Variants in PRCP observed in about 807,000 individuals in gnomAD.
PRCP encodes lysosomal Pro-X carboxypeptidase.
A neutral mutation model predicts 54.2 loss-of-function variants in PRCP; 46 were observed. The observed-to-expected ratio is 0.85, with a 90% CI of 0.67 to 1.09. PRCP has a LOEUF of 1.09. Ranked by LOEUF, PRCP falls within the 50% of genes least tolerant of loss-of-function variation. The probability of loss-of-function intolerance (pLI) is 0.00; values close to 1 mark genes in which losing one functional copy is unlikely to be tolerated. For synonymous variants in PRCP, 240 were observed against 212.2 expected, an observed-to-expected ratio of 1.13 and a Z score of -1.14; for missense variants, 613 against 596.8, an observed-to-expected ratio of 1.03 and a Z score of -0.28.
At chr11:82,864,640 C>A (rs998351038) in intron 1 of PRCP, among the ~76,000 whole-genome samples, 11 of 152,202 alleles carry the variant, frequency 7.2e-5, no homozygotes, top group African/African-American at 2.4e-4. Flanking sequence ...GTAAAGACAA[C>A]ACCGTATGAC....
chr11:82,850,564 T>C, intron 3 of PRCP, 59 bp from the exon 4 acceptor site: 1 of 1,292,906 alleles, frequency 7.7e-7, no homozygotes, highest in Non-Finnish European at 1.0e-6. Flanking sequence ...AGCTTAGGAA[T>C]AGCATGGATC....
chr11:82,854,358 T>A (rs1319867063), intron 2 of PRCP, among the ~76,000 whole-genome samples: 1 of 152,046 alleles, frequency 6.6e-6, no homozygotes, highest in South Asian at 2.1e-4. Context: ...TATATACCAA[T>A]AACAATCAAG....
chr11:82,841,069 C>CA (rs994286120), intron 6 of PRCP, among the ~76,000 whole-genome samples: 11 of 73,546 alleles, frequency 1.5e-4, no homozygotes, highest in Middle Eastern at 6.6e-3. Context: ...CTAGTCCTGA[C>CA]AAAAAAAAGA....
intron 1 of PRCP, among the ~76,000 whole-genome samples, chr11:82,879,461 C>T (rs940292550): frequency 1.1e-4 from 16 of 152,160 alleles, no homozygotes; most frequent in Admixed American, 6.5e-4. Flanking sequence ...AGCTTCTTTG[C>T]GATGGGTTCA....
upstream of PRCP, chr11:82,900,564 A>G: frequency 3.2e-6 from 3 of 935,044 alleles, no homozygotes. Flanking sequence ...CGCCCAAGCC[A>G]GGTCACCACA....
At chr11:82,881,893 C>T (rs1482141455) in intron 1 of PRCP, among the ~76,000 whole-genome samples, 1 of 151,946 alleles carries the variant, frequency 6.6e-6, no homozygotes, top group African/African-American at 2.4e-5. Context: ...CCTTTGACTC[C>T]CAAAAACTTA....
intron 6 of PRCP, among the ~76,000 whole-genome samples, chr11:82,841,967 C>T (rs1345202245): frequency 6.6e-6 from 1 of 152,146 alleles, no homozygotes; most frequent in Non-Finnish European, 1.5e-5. Context: ...CACATAACTA[C>T]AAAGTAGACA....
intron 3 of PRCP, among the ~76,000 whole-genome samples, chr11:82,852,377 T>G (rs545096392): frequency 5.3e-5 from 8 of 152,208 alleles, no homozygotes; most frequent in Admixed American, 3.3e-4. Flanking sequence ...CAAGTCCTTC[T>G]AGCTGAGAGT....
At chr11:82,880,852 A>C (rs1375998777) in intron 1 of PRCP, among the ~76,000 whole-genome samples, 5 of 143,304 alleles carry the variant, frequency 3.5e-5, no homozygotes, top group Non-Finnish European at 6.2e-5. Flanking sequence ...AAAAAAAAAA[A>C]CCCTCTGCAA....
At position 82,839,443 on chromosome 11, in the gene PRCP, T is replaced by C. The variant is rs1858608048; in HGVS notation, c.922-18A>G. On this transcript the variant is annotated intron_variant, in intron 6 of 8. Coordinates refer to ENST00000313010, the MANE Select transcript of PRCP (RefSeq NM_005040.4). ...CACACTACCTGTCATTTTAGAAAGA[T>C]AAATGGGGAAAGAGTCAGAATATGA... The C allele has an allele frequency of 1.3e-6, 2 of 1,596,622 alleles. No individual in the cohort carries two copies. Among genetic ancestry groups the C allele is most frequent in the Non-Finnish European group, 1.7e-6 (2 of 1,167,236 alleles).
At chr11:82,874,350 AC>A (rs1308924014) in intron 1 of PRCP, among the ~76,000 whole-genome samples, 1 of 152,224 alleles carries the variant, frequency 6.6e-6, no homozygotes, top group Non-Finnish European at 1.5e-5. Context: ...ACAACAGGAA[AC>A]AAAAAACAAA....
chr11:82,857,541 G>A (rs1859120708), intron 2 of PRCP, among the ~76,000 whole-genome samples: 1 of 152,076 alleles, frequency 6.6e-6, no homozygotes, highest in Admixed American at 6.5e-5. Flanking sequence ...ACTCAGTTGT[G>A]GCCTCAGAAT....
At chr11:82,849,449 T>A (rs1287975590) in intron 5 of PRCP, among the ~76,000 whole-genome samples, 1 of 152,128 alleles carries the variant, frequency 6.6e-6, no homozygotes, top group Non-Finnish European at 1.5e-5. Flanking sequence ...ACTATTAAAA[T>A]GAATAAATAG....
Position 82,900,335 on chromosome 11 carries a change from C to T in PRCP, c.68G>A (p.Arg23Gln), listed in dbSNP as rs1860242401. 6.2e-7 allele frequency: 1 copy of T among 1,614,144 alleles called. No homozygotes were observed. Among genetic ancestry groups the T allele is most frequent in the Non-Finnish European group, 8.5e-7 (1 of 1,180,000 alleles). Reference protein sequence around the residue: ...FLAPWATIALRPALRALGSLH... With the variant: ...FLAPWATIALQPALRALGSLH... ...GCTGCCGAGGGCCCTTAAGGCCGGCCGGAGGGCTATGGTGGCCCAGGGCGC... is the reference window on the plus strand; with the variant it reads ...GCTGCCGAGGGCCCTTAAGGCCGGCTGGAGGGCTATGGTGGCCCAGGGCGC... Residue 23 changes from arginine (R) to glutamine (Q), a missense_variant, in exon 1 of 9, where the codon CGG becomes CAG. Arg to Gln is a conservative substitution (Grantham distance 43, BLOSUM62 1). Coordinates refer to ENST00000313010, the MANE Select transcript of PRCP (RefSeq NM_005040.4).
chr11:82,900,659 C>G (rs1017000359), upstream of PRCP: 9 of 639,056 alleles, frequency 1.4e-5, no homozygotes, highest in Admixed American at 6.3e-5. Flanking sequence ...ACCTTCATTG[C>G]GGTCACACCC....
At chr11:82,840,171 C>G (rs1858627082) in intron 6 of PRCP, 1 of 152,096 alleles carries the variant, frequency 6.6e-6, no homozygotes, top group Admixed American at 6.6e-5. Context: ...ATTCCTATCA[C>G]TATCCTATAA....
intron 1 of PRCP, among the ~76,000 whole-genome samples, chr11:82,880,767 GAATA>G (rs564874541): frequency 5.7e-4 from 86 of 149,726 alleles, no homozygotes; most frequent in Non-Finnish European, 1.2e-3. Context: ...ACAAAATGGT[GAATA>G]AATAAAAGCC....
chr11:82,850,443 G>T lies in PRCP; in HGVS notation c.474C>A (p.Ile158=), dbSNP rs916576952. ...EQALADFAEL[I]KHLKRTIPGA... The stretch of plus-strand genomic sequence containing the variant: ...CTGGGATTGTTCTTTTCAAGTGTTT[G>T]ATTAACTCTGCAAAATCAGCCAGAG... The change falls in exon 4 of 9, where the codon ATC becomes ATA. Residue 158 remains isoleucine (I), a synonymous_variant. Transcript: ENST00000313010. 1 of 1,605,666 alleles carries T rather than the reference G, an allele frequency of 6.2e-7. No individual in the cohort carries two copies. Among genetic ancestry groups the T allele is most frequent in the Admixed American group, 1.7e-5 (1 of 59,146 alleles).
At chr11:82,841,547 A>C (rs1858672167) in intron 6 of PRCP, among the ~76,000 whole-genome samples, 1 of 152,214 alleles carries the variant, frequency 6.6e-6, no homozygotes, top group African/African-American at 2.4e-5. Flanking sequence ...TGGAGTGTGC[A>C]TCATTGCCAA....
Sources: allele counts gnomAD v4.1 joint callset (sites outside exome capture counted in the v4.1 genomes callset), GRCh38; gene constraint gnomAD v4.1.1; transcripts MANE v1.5; gene names NCBI Gene and HGNC (gene_info 2026-07-23, HGNC 2026-07-21).